ANKRD54: variants seen among roughly 807,000 people sequenced by gnomAD.
ANKRD54 encodes the protein ankyrin repeat domain 54, also known as ankyrin repeat domain-containing protein 54.
Under a neutral mutation model 36.2 loss-of-function variants are expected in ANKRD54, and 26 were observed. That is an observed-to-expected ratio of 0.72 (90% CI 0.53 to 1.00). ANKRD54 has a LOEUF of 1.00. Among genes scored for constraint, ANKRD54 ranks in the 50% least tolerant of loss-of-function variants. The probability of loss-of-function intolerance (pLI) is 0.00; values close to 1 mark genes in which losing one functional copy is unlikely to be tolerated. For missense variants in ANKRD54, 384 were observed against 424.3 expected (o/e 0.91, Z 0.83); for synonymous variants, 209 against 188.4 (o/e 1.11, Z -0.89).
In ANKRD54 at chr22:37,831,949, C is replaced by T; in HGVS notation, c.897G>A (p.Lys299=). ...AGGCAGGGAGCCTCTCTTGCTACCTCTTCTCCATGCTCTGCATCTGCAGAC... is the reference window on the plus strand; with the variant it reads ...AGGCAGGGAGCCTCTCTTGCTACCTTTTCTCCATGCTCTGCATCTGCAGAC... ...SLSLQMQSME[K]R Residue 299 remains lysine, a synonymous_variant, in exon 8 of 8, where the codon AAG becomes AAA. Transcript: ENST00000215941. 1.2e-6 allele frequency: 2 copies of T among 1,613,578 alleles called. No homozygotes were observed. The highest frequency in any genetic ancestry group is 4.5e-5 in the East Asian group (2 of 44,866).
At chr22:37,836,540 A>T (rs973713929) in intron 3 of ANKRD54, among the ~76,000 whole-genome samples, 14 of 132,876 alleles carry the variant, frequency 1.1e-4, no homozygotes, top group Admixed American at 3.1e-4. Flanking sequence ...GGACACAGGG[A>T]GGGGAACATC....
In ANKRD54 at chr22:37,833,172, TGTG is replaced by T; in HGVS notation, c.579_581del (p.Thr194del). 1.9e-6 allele frequency: 3 copies of T among 1,613,592 alleles called. No individual in the cohort carries two copies. Among genetic ancestry groups the T allele is most frequent in the Non-Finnish European group, 2.5e-6 (3 of 1,179,942 alleles). Reference sequence around the variant, plus strand: ...GAAACCACATACCTCCTCGTAGCAGTGTGGTGATGACAGGAACGTGGTTGGTGC... The same window carrying T: ...GAAACCACATACCTCCTCGTAGCAGTGTGATGACAGGAACGTGGTTGGTGC... On this transcript the variant is annotated inframe_deletion, in exon 5 of 8. Transcript: ENST00000215941.
chr22:37,843,893 G>T lies in ANKRD54; in HGVS notation c.328+18C>A. ...GGGCTGCCCCGCCCCGGGCCCCCGC[G>T]CCGCTCGCGCCGCTCACCGTGCACC... is the stretch of plus-strand genomic sequence containing the variant. On this transcript the variant is annotated intron_variant, in intron 1 of 7. Transcript: ENST00000215941. 1 of 1,214,700 alleles carries T rather than the reference G, an allele frequency of 8.2e-7. No homozygotes were observed. Among genetic ancestry groups the T allele is most frequent in the South Asian group, 3.8e-5 (1 of 26,132 alleles). The allele number at this position is 1,214,700 out of a possible 1,614,324, so 75.2% of individuals were successfully genotyped here. A position where few individuals can be genotyped will look rare whatever the true frequency, so the allele number is the denominator to read the frequency against.
intron 2 of ANKRD54, 71 bp downstream of exon 2, chr22:37,840,116 T>C (rs751423899): frequency 5.7e-6 from 9 of 1,578,272 alleles, no homozygotes; most frequent in East Asian, 2.2e-5. Flanking sequence ...TCCCACATAT[T>C]GATTACCTGG....
chr22:37,838,155 T>C (rs1923778373), intron 3 of ANKRD54, among the ~76,000 whole-genome samples: 1 of 151,418 alleles, frequency 6.6e-6, no homozygotes, highest in African/African-American at 2.4e-5. Flanking sequence ...AAGACTCCTA[T>C]AAAAAGAGAA....
chr22:37,840,540 C>CA (rs1924099626), intron 1 of ANKRD54, among the ~76,000 whole-genome samples: 1 of 151,962 alleles, frequency 6.6e-6, no homozygotes, highest in African/African-American at 2.4e-5. Flanking sequence ...GCCTGGGTGA[C>CA]AGAGTGAGAC....
At chr22:37,842,821 C>A (rs985321966) in intron 1 of ANKRD54, among the ~76,000 whole-genome samples, 1 of 152,230 alleles carries the variant, frequency 6.6e-6, no homozygotes, top group Non-Finnish European at 1.5e-5. Context: ...CTTAATCTCT[C>A]AGTGCCTGGG....
chr22:37,845,354 T>A (rs1327942251), upstream of ANKRD54, among the ~76,000 whole-genome samples: 1 of 152,178 alleles, frequency 6.6e-6, no homozygotes, highest in Non-Finnish European at 1.5e-5. Flanking sequence ...TAAGTGTTCC[T>A]CAAGCAACAT....
intron 1 of ANKRD54, among the ~76,000 whole-genome samples, chr22:37,841,901 T>A (rs996733397): frequency 6.9e-6 from 1 of 145,712 alleles, no homozygotes; most frequent in South Asian, 2.2e-4. Context: ...ATAAATAAAA[T>A]AAAAACACAA....
intron 3 of ANKRD54, among the ~76,000 whole-genome samples, chr22:37,835,760 C>G (rs1445715374): frequency 1.3e-5 from 2 of 152,160 alleles, no homozygotes; most frequent in African/African-American, 4.8e-5. Flanking sequence ...GGGCAGTGAT[C>G]AGGCCACTGC....
upstream of ANKRD54, among the ~76,000 whole-genome samples, chr22:37,847,287 C>T (rs1196805073): frequency 6.6e-6 from 1 of 151,918 alleles, no homozygotes; most frequent in South Asian, 2.1e-4. Flanking sequence ...CTCAGCCTCC[C>T]GAGTAGCTGG....
intron 4 of ANKRD54, 21 bp from the exon 5 acceptor site, chr22:37,833,227 C>G: frequency 6.2e-7 from 1 of 1,612,754 alleles, no homozygotes. Context: ...ACAACAGAGA[C>G]TTAAGAATCC....
intron 7 of ANKRD54, 23 bp downstream of exon 7, chr22:37,832,614 C>A (rs1479351024): frequency 5.0e-6 from 8 of 1,612,102 alleles, no homozygotes; most frequent in Non-Finnish European, 6.8e-6. Context: ...GGCCCTGGGT[C>A]TGGGCCTGTG....
chr22:37,832,045 TGGGACACGGGGTGTGCCA>T (rs1166396641), intron 7 of ANKRD54, 28 bp from the exon 8 acceptor site: 2 of 1,601,824 alleles, frequency 1.2e-6, no homozygotes, highest in Non-Finnish European at 1.7e-6. Context: ...GGCTCTGTTA[TGGGACACGGGGTGTGCCA>T]GGGCTCCTGG....
upstream of ANKRD54, chr22:37,849,209 C>T (rs1925005174): frequency 1.7e-6 from 1 of 572,942 alleles, no homozygotes; most frequent in Non-Finnish European, 3.2e-6. Context: ...TGGTCTCAAA[C>T]CCCCGGCCTC....
At chr22:37,834,812 G>A (rs757645065) in intron 3 of ANKRD54, 1 of 150,112 alleles carries the variant, frequency 6.7e-6, no homozygotes, top group Non-Finnish European at 1.5e-5. Flanking sequence ...TGTAATCCCA[G>A]CACTTTGGGA....
Position 37,832,154 on chromosome 22 carries a change from C to A in ANKRD54, c.829-137G>T, listed in dbSNP as rs757921054. 2.5e-4 allele frequency: 202 copies of A among 797,556 alleles called. 1 individual carries two copies. The highest frequency in any genetic ancestry group is 2.2e-4 in the Non-Finnish European group (111 of 498,742). The allele number at this position is 797,556 out of a possible 1,614,324, so 49.4% of individuals were successfully genotyped here. A position where few individuals can be genotyped will look rare whatever the true frequency, so the allele number is the denominator to read the frequency against. On this transcript the variant is annotated intron_variant, in intron 7 of 7. Transcript: ENST00000215941. ...CGTGTGGTGGCTTCTGACTACGCAGCAGTTGACCAAGGGTCAATCTTTGAC... is the reference window on the plus strand; with the variant it reads ...CGTGTGGTGGCTTCTGACTACGCAGAAGTTGACCAAGGGTCAATCTTTGAC...
chr22:37,833,539 G>A (rs1923158858), intron 4 of ANKRD54, 145 bp downstream of exon 4: 3 of 887,782 alleles, frequency 3.4e-6, no homozygotes, highest in Non-Finnish European at 5.3e-6. Context: ...CAGGCTGCTG[G>A]GCAGTGCAGC....
Position 37,831,573 on chromosome 22 carries a change from G to C in ANKRD54, c.*370C>G. 1 of 234,218 alleles carries C rather than the reference G, an allele frequency of 4.3e-6. No homozygotes were observed. The highest frequency in any genetic ancestry group is 8.6e-6 in the Non-Finnish European group (1 of 116,594). 14.5% of individuals were successfully genotyped at this position (234,218 alleles called of 1,614,324 possible). On this transcript the variant is annotated 3_prime_UTR_variant, in exon 8 of 8. Coordinates refer to ENST00000215941, the MANE Select transcript of ANKRD54 (RefSeq NM_138797.4). ...ACCTGCTGACTGCAACAAGCCCATG[G>C]CCAGGACGGAACACAGAGAAGGGTC...
Sources: gnomAD v4.1 joint callset for allele counts (sites outside exome capture counted in the v4.1 genomes callset) on GRCh38, gnomAD v4.1.1 for gene constraint, MANE v1.5 for transcripts, NCBI Gene and HGNC (gene_info 2026-07-23, HGNC 2026-07-21) for gene names.